The following ATP2B4 variants were observed in gnomAD, a reference collection of about 807,000 sequenced individuals.
ATP2B4 encodes the protein ATPase plasma membrane Ca2+ transporting 4, also known as plasma membrane calcium-transporting ATPase 4.
In ATP2B4, 39 loss-of-function variants were observed where a neutral mutation model predicts 110.3. That is an observed-to-expected ratio of 0.35 (90% CI 0.27 to 0.46). The LOEUF (loss-of-function observed/expected upper bound fraction) is 0.46. Ranked by LOEUF, ATP2B4 falls within the 20% of genes least tolerant of loss-of-function variation. The pLI is 1.00. For synonymous variants in ATP2B4, 538 were observed against 571.7 expected (o/e 0.94, Z 0.84); for missense variants, 1,135 against 1,530.9 (o/e 0.74, Z 4.32).
chr1:203,689,610 T>G (rs1359145751), intron 2 of ATP2B4, among the ~76,000 whole-genome samples: 2 of 152,246 alleles, frequency 1.3e-5, no homozygotes, highest in African/African-American at 4.8e-5. Context: ...TCTGCAGAGT[T>G]GAAGGCGTGA....
chr1:203,727,552 T>G lies in ATP2B4; in HGVS notation c.3290T>G (p.Leu1097Arg). ...RRGQILWFRG[L>R]NRIQTQIKVV... is the part of the protein sequence containing the mutation. Reference sequence around the variant, plus strand: ...GGCCAGATCCTCTGGTTCCGGGGCCTGAACCGTATCCAGACTCAGGTACTC... The same window carrying G: ...GGCCAGATCCTCTGGTTCCGGGGCCGGAACCGTATCCAGACTCAGGTACTC... The change falls in exon 20 of 21, where the codon CTG becomes CGG. Residue 1097 changes from leucine to arginine, a missense_variant. This residue lies in a region of ATP2B4 where 61 missense variants were observed against 123.4 expected (regional missense o/e 0.49). Transcript: ENST00000357681. 6.2e-7 allele frequency: 1 copy of G among 1,613,994 alleles called. No homozygotes were observed. Among genetic ancestry groups the G allele is most frequent in the South Asian group, 1.1e-5 (1 of 91,072 alleles).
chr1:203,719,226 A>G (rs1484961750), intron 15 of ATP2B4, among the ~76,000 whole-genome samples: 22 of 115,352 alleles, frequency 1.9e-4, no homozygotes, highest in Admixed American at 3.4e-4. Context: ...CCCTGTCTCG[A>G]AAAAAAAAAA....
intron 1 of ATP2B4, among the ~76,000 whole-genome samples, chr1:203,663,420 C>A (rs914981752): frequency 1.1e-4 from 16 of 151,990 alleles, no homozygotes; most frequent in African/African-American, 3.1e-4. Context: ...TCTCAGGGTA[C>A]CCATGGCCAA....
chr1:203,652,948 C>T (rs1208333969), intron 1 of ATP2B4, among the ~76,000 whole-genome samples: 1 of 152,190 alleles, frequency 6.6e-6, no homozygotes, highest in African/African-American at 2.4e-5. Flanking sequence ...TCACAGGTCT[C>T]TCACTAGAAA....
intron 3 of ATP2B4, among the ~76,000 whole-genome samples, 197 bp downstream of exon 3, chr1:203,698,551 C>T (rs1665601331): frequency 6.6e-6 from 1 of 152,108 alleles, no homozygotes; most frequent in African/African-American, 2.4e-5. Flanking sequence ...GGTTCCTCCC[C>T]ACCCCACCCT....
At chr1:203,680,060 CAAA>C (rs71145014) in intron 1 of ATP2B4, among the ~76,000 whole-genome samples, 31,105 of 120,606 alleles carry the variant, frequency 0.26, 4,466 homozygotes, top group East Asian at 0.64. Context: ...GACTCTTTCT[CAAA>C]AAAAAAAAAA....
At chr1:203,688,757 G>C (rs374088276) in intron 2 of ATP2B4, among the ~76,000 whole-genome samples, 1 of 152,264 alleles carries the variant, frequency 6.6e-6, no homozygotes, top group East Asian at 1.9e-4. Flanking sequence ...AAATAAGGCT[G>C]AGAGCATGAG....
chr1:203,736,111 T>C (rs1666870417), intron 20 of ATP2B4, among the ~76,000 whole-genome samples: 1 of 152,248 alleles, frequency 6.6e-6, no homozygotes, highest in Non-Finnish European at 1.5e-5. Flanking sequence ...CTTCATTAGA[T>C]AGATCTCTAA....
chr1:203,689,033 T>A (rs1665288984), intron 2 of ATP2B4, among the ~76,000 whole-genome samples: 1 of 152,184 alleles, frequency 6.6e-6, no homozygotes, highest in Non-Finnish European at 1.5e-5. Flanking sequence ...CTCCTTTTAT[T>A]GTCTCTTCTT....
At chr1:203,714,587 G>A (rs1347040003) in intron 15 of ATP2B4, among the ~76,000 whole-genome samples, 1 of 152,200 alleles carries the variant, frequency 6.6e-6, no homozygotes, top group African/African-American at 2.4e-5. Context: ...TGTTCCCTAT[G>A]GTAGGCGCTC....
chr1:203,728,004 C>G (rs1270477070), intron 20 of ATP2B4: 1 of 341,876 alleles, frequency 2.9e-6, no homozygotes, highest in Non-Finnish European at 5.8e-6. Context: ...CTTCCTCACA[C>G]TGCCATTATA....
At position 203,657,203 on chromosome 1, in the gene ATP2B4, C is replaced by T. The variant is rs562589628; in HGVS notation, c.-464-25539C>T. The T allele has an allele frequency of 2.3e-5, 17 of 750,372 alleles. No homozygotes were observed. In the African/African-American group the frequency reaches 2.4e-4, roughly 11 times the overall value. The allele number at this position is 750,372 out of a possible 1,614,324, so 46.5% of individuals were successfully genotyped here. A position where few individuals can be genotyped will look rare whatever the true frequency, so the allele number is the denominator to read the frequency against. Reference sequence around the variant, plus strand: ...GTGGCTTTCAGTTCAAGATGTAATACATGGGCTTTCTTGAAATGCATATTG... The same window carrying T: ...GTGGCTTTCAGTTCAAGATGTAATATATGGGCTTTCTTGAAATGCATATTG... On this transcript the variant is annotated intron_variant, in intron 1 of 20. Coordinates refer to ENST00000357681, the MANE Select transcript of ATP2B4 (RefSeq NM_001684.5).
At chr1:203,689,498 T>G (rs1402483005) in intron 2 of ATP2B4, among the ~76,000 whole-genome samples, 1 of 152,216 alleles carries the variant, frequency 6.6e-6, no homozygotes, top group East Asian at 1.9e-4. Context: ...TAGGCCTTCT[T>G]TCAAAAGGCT....
chr1:203,632,653 A>C (rs373603553), intron 1 of ATP2B4, among the ~76,000 whole-genome samples: 1 of 150,706 alleles, frequency 6.6e-6, no homozygotes, highest in African/African-American at 2.4e-5. Context: ...TAATTTAAGT[A>C]CTTTTTAACC....
At chr1:203,719,661 G>T (rs1666263414) in intron 15 of ATP2B4, among the ~76,000 whole-genome samples, 1 of 151,852 alleles carries the variant, frequency 6.6e-6, no homozygotes, top group Non-Finnish European at 1.5e-5. Context: ...GTAGCAGTGA[G>T]CTGAGATCAC....
intron 1 of ATP2B4, among the ~76,000 whole-genome samples, chr1:203,660,850 C>T (rs1478189453): frequency 6.6e-6 from 1 of 151,756 alleles, no homozygotes; most frequent in Non-Finnish European, 1.5e-5. Context: ...GTGGCTCATG[C>T]CTGTAGTCCC....
At chr1:203,676,554 A>G (rs1461417765) in intron 1 of ATP2B4, among the ~76,000 whole-genome samples, 1 of 152,186 alleles carries the variant, frequency 6.6e-6, no homozygotes, top group Non-Finnish European at 1.5e-5. Context: ...TGGAAGCGTA[A>G]GAGTGCCAGA....
Position 203,720,724 on chromosome 1 carries a change from G to A in ATP2B4, c.2582G>A (p.Gly861Glu). ...NVVAVIVAFTGACITQDSPLK... is the reference protein window; with the variant it reads ...NVVAVIVAFTEACITQDSPLK... ...GTGGCCGTGATTGTAGCCTTCACTGGAGCCTGTATCACTCAGGTGAAGGGG... is the reference window on the plus strand; with the variant it reads ...GTGGCCGTGATTGTAGCCTTCACTGAAGCCTGTATCACTCAGGTGAAGGGG... Residue 861 changes from glycine to glutamate, a missense_variant, in exon 16 of 21, where the codon GGA (glycine) becomes GAA (glutamate). By Grantham distance (98) the Gly-to-Glu change is moderately conservative (BLOSUM62 -2). Transcript: ENST00000357681. 6.2e-7 allele frequency: 1 copy of A among 1,612,538 alleles called. No homozygotes were observed. Among genetic ancestry groups the A allele is most frequent in the Non-Finnish European group, 8.5e-7 (1 of 1,178,992 alleles).
In ATP2B4 at chr1:203,627,105, G is replaced by A. The variant is rs1407898693; in HGVS notation, c.-579G>A. On this transcript the variant is annotated 5_prime_UTR_variant, in exon 1 of 21. Coordinates refer to ENST00000357681, the MANE Select transcript of ATP2B4 (RefSeq NM_001684.5). ...CAAGAGAGCAAAGCCAGCGTCTCTAGCTTGGTTGCCACACTGGGGAGACTG... is the reference window on the plus strand; with the variant it reads ...CAAGAGAGCAAAGCCAGCGTCTCTAACTTGGTTGCCACACTGGGGAGACTG... 1 of 152,320 alleles carries A rather than the reference G, an allele frequency of 6.6e-6. No homozygotes were observed. Among genetic ancestry groups the A allele is most frequent in the East Asian group, 1.9e-4 (1 of 5,190 alleles). The allele number at this position is 152,320 out of a possible 1,614,324, so 9.4% of individuals were successfully genotyped here. A position where few individuals can be genotyped will look rare whatever the true frequency, so the allele number is the denominator to read the frequency against.
Sources: gnomAD v4.1 joint callset for allele counts (sites outside exome capture counted in the v4.1 genomes callset) on GRCh38, gnomAD v4.1.1 for gene constraint, gnomAD v4.1.1 regional missense constraint, MANE v1.5 for transcripts, NCBI Gene and HGNC (gene_info 2026-07-23, HGNC 2026-07-21) for gene names.